PTPRN2: variants seen among roughly 807,000 people sequenced by gnomAD.
PTPRN2 encodes protein tyrosine phosphatase receptor type N2.
Under a neutral mutation model 118.8 loss-of-function variants are expected in PTPRN2, and 74 were observed. The observed-to-expected ratio is 0.62, with a 90% CI of 0.52 to 0.76. The LOEUF is 0.76. Ranked by LOEUF, PTPRN2 falls within the 30% of genes least tolerant of loss-of-function variation. The probability of loss-of-function intolerance (pLI) is 0.00; values close to 1 mark genes in which losing one functional copy is unlikely to be tolerated. For synonymous variants in PTPRN2, 641 were observed against 608.0 expected (o/e 1.05, Z -0.80); for missense variants, 1,481 against 1,394.4 (o/e 1.06, Z -0.99).
At chr7:157,689,010 G>T (rs897588540) in intron 12 of PTPRN2, among the ~76,000 whole-genome samples, 7 of 152,214 alleles carry the variant, frequency 4.6e-5, no homozygotes, top group African/African-American at 1.7e-4. Context: ...CACAGAGCGC[G>T]CCGGCCGCGA....
Position 158,230,646 on chromosome 7 carries a change from T to C in PTPRN2, c.278-25373A>G, listed in dbSNP as rs548899429. ...TGTTTTTTATAAGTCTCATGGCAAC[T>C]ACAATAAAAAAAAACTGTAACACAT... On this transcript the variant is annotated intron_variant, in intron 3 of 22. Transcript: ENST00000389418. Among the ~76,000 whole-genome samples the C allele has an allele frequency of 1.8e-4, 27 of 151,402 alleles. No homozygotes were observed. The South Asian group carries it at 3.5e-3, about 20-fold the overall frequency.
chr7:157,730,195 C>G (rs949607355), intron 12 of PTPRN2, among the ~76,000 whole-genome samples: 2 of 152,078 alleles, frequency 1.3e-5, no homozygotes, highest in African/African-American at 4.8e-5. Flanking sequence ...CCTGCCCCCC[C>G]CCGGGCACTC....
rs1800980052 is a variant in PTPRN2 at position 157,953,709 on chromosome 7, G to T, written c.1724-54972C>A. Among the ~76,000 whole-genome samples the T allele has an allele frequency of 6.6e-6, 1 of 152,032 alleles. No individual in the cohort carries two copies. Among genetic ancestry groups the T allele is most frequent in the African/African-American group, 2.4e-5 (1 of 41,410 alleles). ...ATCAGAGCAGTTGGGGGACAGGAGG[G>T]CCAAGTCTGAGGACTCAGACCCGGG... On this transcript the variant is annotated intron_variant, in intron 11 of 22. Coordinates refer to ENST00000389418, the MANE Select transcript of PTPRN2 (RefSeq NM_002847.5). This position sits in a 1 kb window ranked among gnomAD's most constrained non-coding sequence, Gnocchi z 4.6.
chr7:157,544,868 GA>G (rs1798202167), intron 22 of PTPRN2, among the ~76,000 whole-genome samples: 1 of 151,978 alleles, frequency 6.6e-6, no homozygotes, highest in Non-Finnish European at 1.5e-5. Flanking sequence ...GCTGTGTGTG[GA>G]TGTGCATCGT....
At chr7:158,302,744 A>G (rs1278775737) in intron 3 of PTPRN2, among the ~76,000 whole-genome samples, 1 of 152,242 alleles carries the variant, frequency 6.6e-6, no homozygotes, top group Non-Finnish European at 1.5e-5. Context: ...CAATGCTCAG[A>G]GCACAGCCTG....
At chr7:158,323,708 T>A (rs1803223017) in intron 2 of PTPRN2, among the ~76,000 whole-genome samples, 1 of 152,114 alleles carries the variant, frequency 6.6e-6, no homozygotes, top group Admixed American at 6.5e-5. Flanking sequence ...CCAAAGTAAT[T>A]TCATTCGCAA....
chr7:158,582,353 C>T (rs2129452490), intron 1 of PTPRN2, among the ~76,000 whole-genome samples: 1 of 152,298 alleles, frequency 6.6e-6, no homozygotes, highest in Non-Finnish European at 1.5e-5. Context: ...GCCTTCGTCT[C>T]TTGGGATTCG....
chr7:158,150,747 T>G (rs917249753), intron 6 of PTPRN2, among the ~76,000 whole-genome samples: 2 of 151,972 alleles, frequency 1.3e-5, no homozygotes, highest in South Asian at 2.1e-4. Flanking sequence ...TCTTCTTTCC[T>G]GGTCTGTGAG....
rs1276894025 is a variant in PTPRN2 at position 157,656,965 on chromosome 7, ATACAC to A, written c.2002-419_2002-415del. On this transcript the variant is annotated intron_variant, in intron 13 of 22. Transcript: ENST00000389418. ...ACACACATCACACATATACACACAC[ATACAC>A]CACACACACCACACACATCACACAT... Among the ~76,000 whole-genome samples the A allele has an allele frequency of 3.6e-4, 51 of 139,792 alleles. 1 individual carries two copies. Among genetic ancestry groups the A allele is most frequent in the Non-Finnish European group, 7.0e-4 (45 of 64,244 alleles). 91.7% of individuals were successfully genotyped at this position (139,792 alleles called of 152,430 possible). A position where few individuals can be genotyped will look rare whatever the true frequency, so the allele number is the denominator to read the frequency against.
rs148935127 is a variant in PTPRN2, at chr7:158,252,851, T to C, written c.278-47578A>G. ...CATGAGCCACCCCCACCACCCCCGA[T>C]TGATGGGGAGATTAACATGCCGGAA... On this transcript the variant is annotated intron_variant, in intron 3 of 22. Coordinates refer to ENST00000389418, the MANE Select transcript of PTPRN2 (RefSeq NM_002847.5). Among the ~76,000 whole-genome samples the C allele has an allele frequency of 1.3e-3, 201 of 151,056 alleles. 3 individuals are homozygous for C. In the East Asian group the frequency reaches 0.037, roughly 28 times the overall value.
At chr7:158,219,567 T>G (rs1450233178) in intron 3 of PTPRN2, among the ~76,000 whole-genome samples, 3 of 151,282 alleles carry the variant, frequency 2.0e-5, no homozygotes, top group Non-Finnish European at 4.4e-5. Context: ...AAAATCAAAA[T>G]CAGAGCAGAA....
chr7:158,473,380 G>A (rs1028524900), intron 2 of PTPRN2, among the ~76,000 whole-genome samples: 1 of 152,148 alleles, frequency 6.6e-6, no homozygotes, highest in Non-Finnish European at 1.5e-5. Flanking sequence ...CCCCTCTGAC[G>A]AGCTGTTTCG....
chr7:158,583,968 T>A (rs1235021562), intron 1 of PTPRN2, among the ~76,000 whole-genome samples: 4 of 152,138 alleles, frequency 2.6e-5, no homozygotes, highest in East Asian at 1.9e-4. Context: ...AATCACGCCA[T>A]CTCCTTCACA....
chr7:158,262,530 C>T (rs1563054228), intron 3 of PTPRN2, among the ~76,000 whole-genome samples: 1 of 146,278 alleles, frequency 6.8e-6, no homozygotes, highest in South Asian at 2.2e-4. Context: ...ACACACTGCA[C>T]ACATACACAC....
chr7:158,146,308 C>T (rs531123998), intron 6 of PTPRN2, among the ~76,000 whole-genome samples: 1 of 152,070 alleles, frequency 6.6e-6, no homozygotes, highest in African/African-American at 2.4e-5. Context: ...AAAATATGAA[C>T]CTCTCATTAA....
chr7:157,702,898 C>A (rs1290840112), intron 12 of PTPRN2, among the ~76,000 whole-genome samples: 1 of 152,142 alleles, frequency 6.6e-6, no homozygotes, highest in Non-Finnish European at 1.5e-5. Context: ...CACTAGGGGA[C>A]CTTCATACCT....
At chr7:158,147,849 CGTGTCTTTCCCCTTCAATG>C (rs1820340123) in intron 6 of PTPRN2, among the ~76,000 whole-genome samples, 5 of 120,106 alleles carry the variant, frequency 4.2e-5, no homozygotes, top group East Asian at 2.6e-4. Flanking sequence ...TCTCACGCCA[CGTGTCTTTCCCCTTCAATG>C]ACACCCCATC....
chr7:158,322,664 A>C (rs1194476204), intron 2 of PTPRN2, among the ~76,000 whole-genome samples: 1 of 152,244 alleles, frequency 6.6e-6, no homozygotes, highest in Non-Finnish European at 1.5e-5. Context: ...AAGGCCTTGC[A>C]GTTCTGGATC....
intron 11 of PTPRN2, among the ~76,000 whole-genome samples, chr7:158,074,696 GAA>G (rs757119533): frequency 4.0e-4 from 61 of 152,138 alleles, no homozygotes; most frequent in Non-Finnish European, 6.3e-4. Context: ...AAATGAACGT[GAA>G]AGTGAGGATG....
Sources: gnomAD v4.1 joint callset for allele counts (sites outside exome capture counted in the v4.1 genomes callset) on GRCh38, gnomAD v4.1.1 for gene constraint, Gnocchi (gnomAD v3.1) non-coding constraint, MANE v1.5 for transcripts, NCBI Gene and HGNC (gene_info 2026-07-23, HGNC 2026-07-21) for gene names.